ZBTB38: variants seen among roughly 807,000 people sequenced by gnomAD.
ZBTB38 encodes zinc finger and BTB domain-containing protein 38.
A neutral mutation model predicts 76.8 loss-of-function variants in ZBTB38; 20 were observed. The observed-to-expected ratio is 0.26, with a 90% CI of 0.18 to 0.38. The LOEUF is 0.38. Among genes scored for constraint, ZBTB38 ranks in the 10% least tolerant of loss-of-function variants. The probability of loss-of-function intolerance (pLI) is 1.00; values close to 1 mark genes in which losing one functional copy is unlikely to be tolerated. For synonymous variants in ZBTB38, 504 were observed against 544.2 expected, an observed-to-expected ratio of 0.93 and a Z score of 1.03; for missense variants, 1,082 against 1,482.3, an observed-to-expected ratio of 0.73 and a Z score of 4.43.
rs560384310 is a variant in ZBTB38 at position 141,447,924 on chromosome 3, G to A, written c.*1948G>A. The A allele has an allele frequency of 1.3e-5, 2 of 152,692 alleles. No homozygotes were observed. Among genetic ancestry groups the A allele is most frequent in the South Asian group, 4.1e-4 (2 of 4,822 alleles). 9.5% of individuals were successfully genotyped at this position (152,692 alleles called of 1,614,324 possible). Reference sequence around the variant, plus strand: ...TATAAGTAGAGAAAAATGGGAAAATGCAAGCAAATTCAACTTTATTTTATA... The same window carrying A: ...TATAAGTAGAGAAAAATGGGAAAATACAAGCAAATTCAACTTTATTTTATA... On this transcript the variant is annotated 3_prime_UTR_variant, in exon 6 of 6. Transcript: ENST00000321464.
At chr3:141,337,769 C>A (rs777976954) in intron 1 of ZBTB38, among the ~76,000 whole-genome samples, 8 of 152,170 alleles carry the variant, frequency 5.3e-5, no homozygotes, top group Admixed American at 2.0e-4. Flanking sequence ...TCCCTTATCT[C>A]AAGTCCTCAC....
At chr3:141,332,088 C>G (rs1450380928) in intron 1 of ZBTB38, among the ~76,000 whole-genome samples, 1 of 152,214 alleles carries the variant, frequency 6.6e-6, no homozygotes, top group Non-Finnish European at 1.5e-5. Context: ...AACACCATAA[C>G]TGAGCAGCTT....
At chr3:141,352,217 G>A (rs1943537234) in intron 1 of ZBTB38, among the ~76,000 whole-genome samples, 1 of 152,128 alleles carries the variant, frequency 6.6e-6, no homozygotes, top group South Asian at 2.1e-4. Context: ...AGCTAGAGTG[G>A]AGAGAGTGGG....
intron 3 of ZBTB38, chr3:141,385,971 A>G (rs1380537738): frequency 6.6e-6 from 1 of 152,224 alleles, no homozygotes; most frequent in Non-Finnish European, 1.5e-5. Context: ...CCTGATGTCA[A>G]TGTCATCATG....
chr3:141,326,959 C>T (rs911588453), intron 1 of ZBTB38, among the ~76,000 whole-genome samples: 1 of 152,160 alleles, frequency 6.6e-6, no homozygotes, highest in African/African-American at 2.4e-5. Context: ...TCGAAGGGGA[C>T]CTCCATGCCC....
intron 5 of ZBTB38, among the ~76,000 whole-genome samples, chr3:141,423,805 C>T (rs2075884044): frequency 6.6e-6 from 1 of 152,160 alleles, no homozygotes. Context: ...TAAACTGAGA[C>T]TTAAATGAAA....
upstream of ZBTB38, among the ~76,000 whole-genome samples, chr3:141,364,362 A>G (rs1387578652): frequency 6.6e-6 from 1 of 151,412 alleles, no homozygotes; most frequent in Non-Finnish European, 1.5e-5. Context: ...GGATATATAA[A>G]GAATCCCTAA....
chr3:141,403,850 T>C (rs1418302453), intron 4 of ZBTB38, 77 bp from the exon 5 acceptor site: 1 of 152,244 alleles, frequency 6.6e-6, no homozygotes, highest in African/African-American at 2.4e-5. Context: ...TATGTGCTAA[T>C]TGCAGTTATT....
At chr3:141,332,446 G>A (rs982917724) in intron 1 of ZBTB38, among the ~76,000 whole-genome samples, 8 of 152,138 alleles carry the variant, frequency 5.3e-5, no homozygotes, top group African/African-American at 1.9e-4. Context: ...TCTAGCACCT[G>A]GCAACTCCTC....
intron 1 of ZBTB38, among the ~76,000 whole-genome samples, chr3:141,341,106 C>A (rs74763798): frequency 0.027 from 4,153 of 152,132 alleles, 127 homozygotes; most frequent in African/African-American, 0.074. Context: ...CAGTAAGATA[C>A]CACTTCACAT....
chr3:141,411,216 A>T (rs537727021), intron 5 of ZBTB38, among the ~76,000 whole-genome samples: 1 of 152,276 alleles, frequency 6.6e-6, no homozygotes, highest in African/African-American at 2.4e-5. Flanking sequence ...GTCTCCCCAT[A>T]CTTTTGTGCG....
chr3:141,431,341 A>AAAAATATATATATATATAT, intron 5 of ZBTB38, among the ~76,000 whole-genome samples: 13 of 103,286 alleles, frequency 1.3e-4, no homozygotes, highest in African/African-American at 6.6e-4. Flanking sequence ...AAAAAAAAAA[A>AAAAATATATATATATATAT]ATATATATAT....
At position 141,442,303 on chromosome 3, in the gene ZBTB38, A is replaced by G. The variant is rs2080457549; in HGVS notation, c.1-86A>G. On this transcript the variant is annotated intron_variant, in intron 5 of 5. Coordinates refer to ENST00000321464, the MANE Select transcript of ZBTB38 (RefSeq NM_001376113.1). This position sits in a 1 kb window ranked among gnomAD's most constrained non-coding sequence, Gnocchi z 6.4. ...AACCTGAAGTTTCATACAAAAGAAC[A>G]GTTTTTCACAGAAGTGGAAAATAGT... The G allele has an allele frequency of 3.0e-6, 3 of 998,722 alleles. No homozygotes were observed. Among genetic ancestry groups the G allele is most frequent in the Non-Finnish European group, 4.5e-6 (3 of 669,884 alleles). 61.9% of individuals were successfully genotyped at this position (998,722 alleles called of 1,614,324 possible).
chr3:141,359,957 G>T (rs904939834), intron 1 of ZBTB38, among the ~76,000 whole-genome samples: 46 of 152,116 alleles, frequency 3.0e-4, no homozygotes, highest in Admixed American at 3.0e-3. Flanking sequence ...AAATTTTTTT[G>T]AGTTGTCTTA....
intron 4 of ZBTB38, among the ~76,000 whole-genome samples, chr3:141,400,884 C>T (rs141567698): frequency 1.3e-5 from 2 of 152,298 alleles, no homozygotes; most frequent in African/African-American, 4.8e-5. Flanking sequence ...GGCTTTAAAC[C>T]CAGGCAGGCT....
Position 141,327,550 on chromosome 3 carries a change from G to A in ZBTB38, c.-739+3094G>A, listed in dbSNP as rs142558455. The stretch of plus-strand genomic sequence containing the variant: ...CATCAAGAAAACAAGGAAAATGTGA[G>A]AAACTGTCAAAGCCCAGAGGAGCCT... On this transcript the variant is annotated intron_variant, in intron 1 of 7. Transcript: ENST00000509842. Among the ~76,000 whole-genome samples the A allele has an allele frequency of 3.7e-4, 56 of 152,318 alleles. No homozygotes were observed. In the East Asian group the frequency reaches 9.6e-3, roughly 26 times the overall value.
chr3:141,387,105 T>C (rs1004344702), intron 4 of ZBTB38, 168 bp downstream of exon 4: 3 of 152,570 alleles, frequency 2.0e-5, no homozygotes, highest in Admixed American at 6.5e-5. Flanking sequence ...GATGTGAGTA[T>C]GTAAATGCTC....
rs1420858974 is a variant in ZBTB38 at position 141,413,713 on chromosome 3, T to C, written c.-1+9682T>C. ...ATGCTTGTTTTAAAGGAGAGCTGAG[T>C]GCCTCTGATAGAAAATCTGATTTCA... On this transcript the variant is annotated intron_variant, in intron 5 of 5. Coordinates refer to ENST00000321464, the MANE Select transcript of ZBTB38 (RefSeq NM_001376113.1). The surrounding 1 kb of genome is among the most constrained non-coding windows in gnomAD (Gnocchi z 4.1). 6.6e-6 allele frequency among the ~76,000 whole-genome samples: 1 copy of C among 152,180 alleles called. No homozygotes were observed. Among genetic ancestry groups the C allele is most frequent in the South Asian group, 2.1e-4 (1 of 4,826 alleles).
At chr3:141,412,793 T>A (rs776847054) in intron 5 of ZBTB38, among the ~76,000 whole-genome samples, 1 of 152,028 alleles carries the variant, frequency 6.6e-6, no homozygotes, top group Non-Finnish European at 1.5e-5. Context: ...TCCCACAATT[T>A]TTTCCACTCG....
Sources: allele counts gnomAD v4.1 joint callset (sites outside exome capture counted in the v4.1 genomes callset), GRCh38; gene constraint gnomAD v4.1.1; non-coding constraint Gnocchi (gnomAD v3.1); transcripts MANE v1.5; gene names NCBI Gene and HGNC (gene_info 2026-07-23, HGNC 2026-07-21).